The following CCS variants were observed in gnomAD, a reference collection of about 807,000 sequenced individuals.
CCS encodes superoxide dismutase copper chaperone.
Under a neutral mutation model 35.5 loss-of-function variants are expected in CCS, and 32 were observed. The ratio of observed to expected loss-of-function variants is 0.90; its 90% CI spans 0.68 to 1.21. The LOEUF (loss-of-function observed/expected upper bound fraction) is 1.21, where lower values mean the gene tolerates loss of function less well. Ranked by LOEUF, CCS falls within the 50% of genes most tolerant of loss-of-function variation. The pLI, the probability that CCS is intolerant of heterozygous loss-of-function variation, is 0.00. For missense variants in CCS, 342 were observed against 375.4 expected, an observed-to-expected ratio of 0.91 and a Z score of 0.73; for synonymous variants, 130 against 147.2, an observed-to-expected ratio of 0.88 and a Z score of 0.84.
At chr11:66,593,822 C>A in intron 2 of CCS, 108 bp downstream of exon 2, 1 of 1,018,098 alleles carries the variant, frequency 9.8e-7, no homozygotes. Context: ...AGAAAGTGAA[C>A]CCCAGAGAGT....
intron 5 of CCS, among the ~76,000 whole-genome samples, 191 bp downstream of exon 5, chr11:66,600,740 T>C (rs1389905198): frequency 6.6e-6 from 1 of 152,160 alleles, no homozygotes; most frequent in Non-Finnish European, 1.5e-5. Flanking sequence ...TACAATAGAT[T>C]ACAGCCCCAG....
chr11:66,593,622 G>C lies in CCS; in HGVS notation c.40-20G>C, dbSNP rs1198245192. 6.2e-7 allele frequency: 1 copy of C among 1,612,222 alleles called. No homozygotes were observed. Among genetic ancestry groups the C allele is most frequent in the Admixed American group, 1.7e-5 (1 of 59,928 alleles). ...GGCACTTCCCCAGCGATCATCGGTT[G>C]GTCCCTGCCGCCCTTGCAGTTGGAG... On this transcript the variant is annotated intron_variant, in intron 1 of 7. Coordinates refer to ENST00000533244, the MANE Select transcript of CCS (RefSeq NM_005125.2).
At chr11:66,596,826 G>A (rs756441699) in intron 2 of CCS, among the ~76,000 whole-genome samples, 12 of 152,190 alleles carry the variant, frequency 7.9e-5, no homozygotes, top group African/African-American at 1.2e-4. Flanking sequence ...ACCACAAGGG[G>A]TGTGGTCCTA....
chr11:66,600,463 GC>G, intron 4 of CCS, 25 bp from the exon 5 acceptor site: 1 of 1,480,338 alleles, frequency 6.8e-7, no homozygotes. Context: ...CTGCTTTCCT[GC>G]CCACCTGTTT....
intron 5 of CCS, among the ~76,000 whole-genome samples, chr11:66,603,584 T>C (rs1202729088): frequency 3.3e-5 from 5 of 151,356 alleles, no homozygotes; most frequent in Admixed American, 6.6e-5. Flanking sequence ...CAGTGGCTCA[T>C]GCCTGTAATC....
chr11:66,601,737 T>G (rs985322982), intron 5 of CCS, among the ~76,000 whole-genome samples: 3 of 152,034 alleles, frequency 2.0e-5, no homozygotes, highest in Non-Finnish European at 4.4e-5. Context: ...CTAATTTTTT[T>G]TTTTTGTTTT....
intron 2 of CCS, among the ~76,000 whole-genome samples, chr11:66,593,946 G>T (rs980306684): frequency 7.1e-4 from 108 of 152,172 alleles, no homozygotes; most frequent in African/African-American, 2.5e-3. Flanking sequence ...AACCTCAGGT[G>T]CCCCAGAGAC....
In CCS at chr11:66,599,252, G is replaced by A; in HGVS notation, c.249G>A (p.Leu83=). Residue 83 remains leucine (L), a splice_region_variant and synonymous_variant, in exon 3 of 8, where the codon TTG becomes TTA. Transcript: ENST00000533244. ...AVLKGMGSGQ[L]QNLGAAVAIL... ...TCAAGGGCATGGGCAGCGGCCAGTT[G>A]CGTGAGTGACCACTGTGGCCTTGGC... 6.2e-7 allele frequency: 1 copy of A among 1,601,190 alleles called. No homozygotes were observed. The highest frequency in any genetic ancestry group is 8.5e-7 in the Non-Finnish European group (1 of 1,173,674).
rs1183605347 is a variant in CCS, at chr11:66,593,629, G to A, written c.40-13G>A. 6.2e-7 allele frequency: 1 copy of A among 1,612,912 alleles called. No individual in the cohort carries two copies. Among genetic ancestry groups the A allele is most frequent in the African/African-American group, 1.3e-5 (1 of 75,010 alleles). Reference sequence around the variant, plus strand: ...CCCCAGCGATCATCGGTTGGTCCCTGCCGCCCTTGCAGTTGGAGTTCGCGG... The same window carrying A: ...CCCCAGCGATCATCGGTTGGTCCCTACCGCCCTTGCAGTTGGAGTTCGCGG... On this transcript the variant is annotated splice_polypyrimidine_tract_variant and intron_variant, in intron 1 of 7. Transcript: ENST00000533244.
Position 66,593,188 on chromosome 11 carries a change from C to T in CCS, c.-74C>T, listed in dbSNP as rs896047999. The T allele has an allele frequency of 2.2e-4, 332 of 1,514,186 alleles. 1 individual carries two copies. The highest frequency in any genetic ancestry group is 3.4e-4 in the Middle Eastern group (2 of 5,888). The allele number at this position is 1,514,186 out of a possible 1,614,324, so 93.8% of individuals were successfully genotyped here. A position where few individuals can be genotyped will look rare whatever the true frequency, so the allele number is the denominator to read the frequency against. ...TTAAGGGTGGCTTTAGAGGCTCAGT[C>T]CCCGCGACGCCGCGCTGGTTGGTGC... On this transcript the variant is annotated 5_prime_UTR_variant, in exon 1 of 8. Coordinates refer to ENST00000533244, the MANE Select transcript of CCS (RefSeq NM_005125.2).
At position 66,599,588 on chromosome 11, in the gene CCS, A is replaced by G. The variant is rs1457561971; in HGVS notation, c.380A>G (p.His127Arg). Residue 127 changes from histidine to arginine, a missense_variant, in exon 4 of 8, where the codon CAT (histidine) becomes CGT (arginine). Physicochemically the swap from His to Arg is conservative, Grantham distance 29 (BLOSUM62 0). Transcript: ENST00000533244. ...GTIDGLEPGL[H>R]GLHVHQYGDL... is the part of the protein sequence containing the mutation. ...ATTGACGGCCTGGAGCCTGGGCTGC[A>G]TGGACTCCACGTCCATCAGTACGGG... 1.2e-6 allele frequency: 2 copies of G among 1,607,444 alleles called. No homozygotes were observed. Among genetic ancestry groups the G allele is most frequent in the Admixed American group, 1.7e-5 (1 of 57,706 alleles).
chr11:66,594,316 G>T (rs1367944080), intron 2 of CCS, among the ~76,000 whole-genome samples: 1 of 152,040 alleles, frequency 6.6e-6, no homozygotes, highest in African/African-American at 2.4e-5. Context: ...CCGAGATCGC[G>T]CCACTGCACT....
At position 66,605,820 on chromosome 11, in the gene CCS, C is replaced by T. The variant is rs767806191; in HGVS notation, c.790C>T (p.Arg264Ter). 5.0e-6 allele frequency: 8 copies of T among 1,589,244 alleles called. No individual in the cohort carries two copies. The highest frequency in any genetic ancestry group is 2.2e-5 in the East Asian group (1 of 44,666). Residue 264 changes from arginine to a stop codon, truncating the protein, a stop_gained, in exon 8 of 8, where the codon CGA (arginine) becomes TGA (stop). Coordinates refer to ENST00000533244, the MANE Select transcript of CCS (RefSeq NM_005125.2). LOFTEE classifies it high-confidence loss of function. Reference protein sequence around the residue: ...ERGRPIAGKGRKESAQPPAHL With the variant: ...ERGRPIAGKG ...AGGCCGGCCCATCGCTGGCAAGGGC[C>T]GAAAGGAGTCAGCGCAGCCCCCTGC...
chr11:66,602,886 T>G (rs1471690047), intron 5 of CCS, among the ~76,000 whole-genome samples: 1 of 152,224 alleles, frequency 6.6e-6, no homozygotes, highest in Non-Finnish European at 1.5e-5. Context: ...TGCTGTTGGG[T>G]TTTAGCATCT....
intron 3 of CCS, 44 bp from the exon 4 acceptor site, chr11:66,599,415 C>T: frequency 2.0e-6 from 3 of 1,508,732 alleles, no homozygotes; most frequent in Non-Finnish European, 2.7e-6. Context: ...AAGAGGTGTG[C>T]TGGGTGAGGT....
chr11:66,599,086 T>A lies in CCS; in HGVS notation c.113-30T>A, dbSNP rs116794151. 7.6e-4 allele frequency: 1,232 copies of A among 1,614,002 alleles called. 14 individuals carry two copies. In the African/African-American group the frequency reaches 0.014, roughly 19 times the overall value. The stretch of plus-strand genomic sequence containing the variant: ...GCTGCCAGCACTGGGTGCCAGCCTC[T>A]GTTGCCCTCTTCCCTCTCTTTCTTG... On this transcript the variant is annotated intron_variant, in intron 2 of 7. Transcript: ENST00000533244.
Position 66,605,746 on chromosome 11 carries a change from A to G in CCS, c.716A>G (p.Asn239Ser), listed in dbSNP as rs752568011. The change falls in exon 8 of 8, where the codon AAC (asparagine) becomes AGC (serine). Residue 239 changes from asparagine (N) to serine (S), a missense_variant. Asn to Ser is a conservative substitution (Grantham distance 46, BLOSUM62 1). Transcript: ENST00000533244. ...IIARSAGLFQ[N>S]PKQICSCDGL... Reference sequence around the variant, plus strand: ...GCACGCTCCGCTGGCCTTTTCCAGAACCCCAAGCAGATCTGCTCTTGCGAT... The same window carrying G: ...GCACGCTCCGCTGGCCTTTTCCAGAGCCCCAAGCAGATCTGCTCTTGCGAT... 1.9e-5 allele frequency: 30 copies of G among 1,604,748 alleles called. No homozygotes were observed. Among genetic ancestry groups the G allele is most frequent in the Non-Finnish European group, 5.1e-6 (6 of 1,175,518 alleles).
At chr11:66,604,191 T>C (rs1011514233) in intron 5 of CCS, among the ~76,000 whole-genome samples, 14 of 151,754 alleles carry the variant, frequency 9.2e-5, no homozygotes, top group Non-Finnish European at 1.9e-4. Flanking sequence ...GATCACACCA[T>C]TGCATTCCAG....
chr11:66,605,748 C>A lies in CCS; in HGVS notation c.718C>A (p.Pro240Thr). ...ACGCTCCGCTGGCCTTTTCCAGAAC[C>A]CCAAGCAGATCTGCTCTTGCGATGG... ...IARSAGLFQN[P>T]KQICSCDGLT... Residue 240 changes from proline (P) to threonine (T), a missense_variant, in exon 8 of 8, where the codon CCC becomes ACC. Pro to Thr is a conservative substitution (Grantham distance 38). Transcript: ENST00000533244. 1 of 1,605,424 alleles carries A rather than the reference C, an allele frequency of 6.2e-7. No individual in the cohort carries two copies. The highest frequency in any genetic ancestry group is 8.5e-7 in the Non-Finnish European group (1 of 1,175,840).
Sources: allele counts gnomAD v4.1 joint callset (sites outside exome capture counted in the v4.1 genomes callset), GRCh38; gene constraint gnomAD v4.1.1; transcripts MANE v1.5; gene names NCBI Gene and HGNC (gene_info 2026-07-23, HGNC 2026-07-21).